CALN1: variants seen among roughly 807,000 people sequenced by gnomAD.
CALN1 encodes calneuron 1.
A neutral mutation model predicts 30.6 loss-of-function variants in CALN1; 17 were observed. The observed-to-expected ratio is 0.56, with a 90% CI of 0.38 to 0.83. CALN1 has a LOEUF of 0.83. CALN1 is among the 40% of genes least tolerant of loss of function. CALN1 has a pLI of 0.00. For synonymous variants in CALN1, 156 were observed against 131.4 expected (o/e 1.19, Z -1.28); for missense variants, 291 against 354.9 (o/e 0.82, Z 1.45).
chr7:72,165,671 A>C (rs957108676), intron 3 of CALN1, among the ~76,000 whole-genome samples: 1 of 152,102 alleles, frequency 6.6e-6, no homozygotes, highest in Non-Finnish European at 1.5e-5. Context: ...TTAAAAATGG[A>C]GCCTAAATAA....
At chr7:72,111,281 T>C (rs950364600) in intron 3 of CALN1, among the ~76,000 whole-genome samples, 1 of 152,140 alleles carries the variant, frequency 6.6e-6, no homozygotes, top group African/African-American at 2.4e-5. Flanking sequence ...ACACGCATCG[T>C]CTGAAAGGAC....
chr7:71,930,071 T>A (rs1795469398), intron 5 of CALN1, among the ~76,000 whole-genome samples: 2 of 152,206 alleles, frequency 1.3e-5, no homozygotes, highest in East Asian at 1.9e-4. Context: ...AATGTAAATG[T>A]TATGTAAATA....
At chr7:71,848,631 A>G (rs1407585133) in intron 5 of CALN1, among the ~76,000 whole-genome samples, 1 of 152,192 alleles carries the variant, frequency 6.6e-6, no homozygotes, top group Non-Finnish European at 1.5e-5. Flanking sequence ...ACACACATAC[A>G]CACACATAAT....
chr7:71,796,678 A>G (rs1786948482), intron 6 of CALN1, among the ~76,000 whole-genome samples: 1 of 152,030 alleles, frequency 6.6e-6, no homozygotes, highest in South Asian at 2.1e-4. Context: ...TTTTTCAAGG[A>G]ACTGACCTTT....
chr7:72,365,456 T>A (rs544679669), intron 2 of CALN1, among the ~76,000 whole-genome samples: 2 of 152,176 alleles, frequency 1.3e-5, no homozygotes, highest in Non-Finnish European at 2.9e-5. Flanking sequence ...AAAAAATGTT[T>A]ATTTTTTGAA....
At chr7:72,138,701 T>C (rs1256744937) in intron 3 of CALN1, among the ~76,000 whole-genome samples, 1 of 152,182 alleles carries the variant, frequency 6.6e-6, no homozygotes, top group Non-Finnish European at 1.5e-5. Context: ...CATTTCAACA[T>C]GAAAATTGGT....
At chr7:72,328,631 GA>G (rs1801447795) in intron 2 of CALN1, among the ~76,000 whole-genome samples, 1 of 152,254 alleles carries the variant, frequency 6.6e-6, no homozygotes, top group Admixed American at 6.5e-5. Context: ...GATGGTAGGG[GA>G]AAGTGTTTTG....
At chr7:72,252,333 C>G (rs759176722) in intron 3 of CALN1, among the ~76,000 whole-genome samples, 14 of 152,174 alleles carry the variant, frequency 9.2e-5, no homozygotes, top group Non-Finnish European at 1.5e-4. Flanking sequence ...GGCACAGTGA[C>G]TCACATCTAT....
intron 5 of CALN1, among the ~76,000 whole-genome samples, chr7:71,897,874 T>C (rs1339495534): frequency 6.7e-6 from 1 of 148,176 alleles, no homozygotes; most frequent in African/African-American, 2.5e-5. Context: ...AGACACAGAC[T>C]GTAAAGCAAT....
At position 71,977,269 on chromosome 7, in the gene CALN1, A is replaced by C. The variant is rs1798145291; in HGVS notation, c.501+46388T>G. 2.0e-5 allele frequency among the ~76,000 whole-genome samples: 3 copies of C among 152,032 alleles called. No individual in the cohort carries two copies. In the South Asian group the frequency reaches 6.2e-4, roughly 32 times the overall value. ...AACATAGCGAGACCCTATCTCTACC[A>C]AGAAAAAGAAAAAAATCAGCTGGCA... is the stretch of plus-strand genomic sequence containing the variant. On this transcript the variant is annotated intron_variant, in intron 5 of 6. Transcript: ENST00000395275.
At chr7:72,290,756 T>C (rs1428176097) in intron 2 of CALN1, among the ~76,000 whole-genome samples, 1 of 152,220 alleles carries the variant, frequency 6.6e-6, no homozygotes, top group African/African-American at 2.4e-5. Flanking sequence ...ACTTTCTCTT[T>C]TCAGTTTTTA....
rs75923968 is a variant in CALN1 at position 72,349,229 on chromosome 7, C to T, written c.119+54022G>A. 2.7e-3 allele frequency among the ~76,000 whole-genome samples: 406 copies of T among 151,048 alleles called. 11 individuals are homozygous for T. The East Asian group carries it at 0.066, about 25-fold the overall frequency. On this transcript the variant is annotated intron_variant, in intron 2 of 6. Transcript: ENST00000395275. ...AATATCAAGCTACCTAACATATGTTCGATTTTAATACCTAAAGCGAGAGAA... is the reference window on the plus strand; with the variant it reads ...AATATCAAGCTACCTAACATATGTTTGATTTTAATACCTAAAGCGAGAGAA...
chr7:71,980,869 C>A (rs1798358336), intron 5 of CALN1, among the ~76,000 whole-genome samples: 1 of 152,106 alleles, frequency 6.6e-6, no homozygotes, highest in African/African-American at 2.4e-5. Flanking sequence ...AAATGAGACA[C>A]CTGGGCTCAG....
chr7:71,954,547 G>C (rs967837767), intron 5 of CALN1, among the ~76,000 whole-genome samples: 1 of 152,162 alleles, frequency 6.6e-6, no homozygotes, highest in African/African-American at 2.4e-5. Context: ...ACCTTCTCAG[G>C]AGGCTGAGGC....
chr7:72,071,059 TTGAAGG>T (rs1804358358), intron 4 of CALN1, among the ~76,000 whole-genome samples: 3 of 152,220 alleles, frequency 2.0e-5, no homozygotes, highest in Admixed American at 2.0e-4. Flanking sequence ...TTCCAGGCTA[TTGAAGG>T]CTTGCAACTT....
At chr7:72,123,697 T>C (rs6957052) in intron 3 of CALN1, among the ~76,000 whole-genome samples, 48,465 of 152,026 alleles carry the variant, frequency 0.32, 8,267 homozygotes, top group Non-Finnish European at 0.35. Flanking sequence ...TGTTCTCTGC[T>C]GCATTATTTT....
the CALN1 span, among the ~76,000 whole-genome samples, chr7:72,477,152 A>G: frequency 4.9e-3 from 739 of 152,170 alleles, 3 homozygotes; most frequent in African/African-American, 0.017. Context: ...CGGAGGTTGC[A>G]GTGAGCTGAG....
chr7:71,814,590 T>C (rs1389233000), intron 5 of CALN1, among the ~76,000 whole-genome samples: 8 of 152,296 alleles, frequency 5.3e-5, no homozygotes, highest in Non-Finnish European at 7.4e-5. Flanking sequence ...TCCACTTATA[T>C]GTGGATTTCC....
intron 5 of CALN1, among the ~76,000 whole-genome samples, chr7:71,990,678 C>A (rs888100866): frequency 5.9e-5 from 9 of 152,174 alleles, no homozygotes; most frequent in Non-Finnish European, 2.9e-5. Context: ...GTCTCAAACT[C>A]CTGACCTCAA....
Sources: gnomAD v4.1 joint callset for allele counts (sites outside exome capture counted in the v4.1 genomes callset) on GRCh38, gnomAD v4.1.1 for gene constraint, MANE v1.5 for transcripts, NCBI Gene and HGNC (gene_info 2026-07-23, HGNC 2026-07-21) for gene names.